BANK1: variants seen among roughly 807,000 people sequenced by gnomAD.
BANK1 encodes B cell scaffold protein with ankyrin repeats 1.
Under a neutral mutation model 94.5 loss-of-function variants are expected in BANK1, and 95 were observed. The ratio of observed to expected loss-of-function variants is 1.00; its 90% CI spans 0.85 to 1.19. The LOEUF (loss-of-function observed/expected upper bound fraction) is 1.19, where lower values mean the gene tolerates loss of function less well. Ranked by LOEUF, BANK1 falls within the 50% of genes most tolerant of loss-of-function variation. BANK1 has a pLI of 0.00. For synonymous variants in BANK1, 334 were observed against 308.4 expected (o/e 1.08, Z -0.87); for missense variants, 987 against 932.2 (o/e 1.06, Z -0.77).
At chr4:101,793,064 C>T (rs1344568833) in intron 1 of BANK1, among the ~76,000 whole-genome samples, 1 of 151,906 alleles carries the variant, frequency 6.6e-6, no homozygotes, top group Non-Finnish European at 1.5e-5. Context: ...TTCTCCACAC[C>T]ATAGTTTTTT....
At chr4:102,021,614 AT>A (rs1726903688) in intron 8 of BANK1, 22 bp downstream of exon 8, 1 of 1,068,780 alleles carries the variant, frequency 9.4e-7, no homozygotes, top group Non-Finnish European at 1.3e-6. Flanking sequence ...CATGTTATAT[AT>A]ATATATGACA....
chr4:101,879,599 G>C (rs958124244), intron 5 of BANK1, among the ~76,000 whole-genome samples: 1 of 151,742 alleles, frequency 6.6e-6, no homozygotes, highest in African/African-American at 2.4e-5. Flanking sequence ...AATTCTACGA[G>C]CCCTGTATTA....
Position 101,918,003 on chromosome 4 carries a change from CA to C in BANK1, c.1023del (p.Glu342AsnfsTer14), listed in dbSNP as rs759338628. On this transcript the variant is annotated frameshift_variant, in exon 7 of 17. Transcript: ENST00000322953. LOFTEE classifies it high-confidence loss of function. The stretch of plus-strand genomic sequence containing the variant: ...TTCTTATGCTTACAGATACTCATTT[CA>C]AAGAACTTCCAACTCTTCTCCACTG... ...ICSQNKYTHFKELPTLLHCAA... is the reference protein window; with the variant it reads ...ICSQNKYTHFXELPTLLHCAA... 4.4e-6 allele frequency: 7 copies of C among 1,603,818 alleles called. No individual in the cohort carries two copies. The African/African-American group carries it at 9.4e-5, about 21-fold the overall frequency.
At chr4:101,928,540 G>A (rs1723237711) in intron 7 of BANK1, among the ~76,000 whole-genome samples, 2 of 151,672 alleles carry the variant, frequency 1.3e-5, no homozygotes, top group African/African-American at 4.8e-5. Context: ...TTCTCCCTTT[G>A]TTAGTGTTTA....
rs1370738798 is a variant in BANK1 at position 101,845,721 on chromosome 4, C to T, written c.470-9314C>T. 4.6e-5 allele frequency among the ~76,000 whole-genome samples: 7 copies of T among 152,196 alleles called. No homozygotes were observed. In the East Asian group the frequency reaches 1.3e-3, roughly 29 times the overall value. On this transcript the variant is annotated intron_variant, in intron 2 of 16. Coordinates refer to ENST00000322953, the MANE Select transcript of BANK1 (RefSeq NM_017935.5). ...AAGAACTGATAAGCATACTGACTTA[C>T]TCATAAATTGTCATTTCTATGTAAA...
At chr4:101,821,687 T>A (rs1726155464) in intron 1 of BANK1, among the ~76,000 whole-genome samples, 1 of 152,154 alleles carries the variant, frequency 6.6e-6, no homozygotes, top group African/African-American at 2.4e-5. Context: ...ATTTTTTGAA[T>A]CGAGGAGGGA....
chr4:101,964,085 A>G (rs1263392349), intron 7 of BANK1, among the ~76,000 whole-genome samples: 3 of 152,098 alleles, frequency 2.0e-5, no homozygotes, highest in African/African-American at 7.2e-5. Context: ...CTTCTGCAGC[A>G]TGTAGTGCTG....
intron 1 of BANK1, among the ~76,000 whole-genome samples, chr4:101,809,793 A>G (rs1261712319): frequency 6.6e-6 from 1 of 152,218 alleles, no homozygotes; most frequent in Admixed American, 6.5e-5. Context: ...TTACTTCAAA[A>G]GGCTTTAGGA....
chr4:101,792,259 C>CCA (rs904242269), intron 1 of BANK1, among the ~76,000 whole-genome samples: 1 of 139,280 alleles, frequency 7.2e-6, no homozygotes, highest in Non-Finnish European at 1.6e-5. Context: ...TTCCGCTCCC[C>CCA]CCCCGCCCCG....
At chr4:102,023,700 G>T (rs1384446797) in intron 8 of BANK1, among the ~76,000 whole-genome samples, 1 of 152,176 alleles carries the variant, frequency 6.6e-6, no homozygotes, top group African/African-American at 2.4e-5. Flanking sequence ...CATATTTGAT[G>T]ACAAGTACCA....
At chr4:102,013,790 G>A (rs1726600081) in intron 7 of BANK1, among the ~76,000 whole-genome samples, 1 of 151,336 alleles carries the variant, frequency 6.6e-6, no homozygotes, top group Non-Finnish European at 1.5e-5. Flanking sequence ...CATTATAATT[G>A]AATATAAATT....
intron 9 of BANK1, 95 bp downstream of exon 9, chr4:102,025,604 A>G: frequency 8.2e-7 from 1 of 1,213,480 alleles, no homozygotes; most frequent in Non-Finnish European, 1.1e-6. Context: ...TATACAGAGC[A>G]GATCAGCTTT....
At chr4:101,979,504 G>T (rs923875157) in intron 7 of BANK1, among the ~76,000 whole-genome samples, 3 of 151,638 alleles carry the variant, frequency 2.0e-5, no homozygotes, top group African/African-American at 7.3e-5. Context: ...ATTTTTTTGA[G>T]AATAAGTTGT....
intron 7 of BANK1, among the ~76,000 whole-genome samples, chr4:101,921,725 A>G (rs1428588855): frequency 6.6e-6 from 1 of 151,878 alleles, no homozygotes; most frequent in African/African-American, 2.4e-5. Context: ...TATCCAGAAA[A>G]TATCTTTTTC....
At chr4:101,872,203 A>G (rs1431702015) in intron 5 of BANK1, among the ~76,000 whole-genome samples, 1 of 152,160 alleles carries the variant, frequency 6.6e-6, no homozygotes, top group Admixed American at 6.6e-5. Flanking sequence ...AATGATGGAC[A>G]GAATTACTCT....
chr4:101,829,756 T>C, intron 1 of BANK1, 52 bp from the exon 2 acceptor site: 1 of 1,237,354 alleles, frequency 8.1e-7, no homozygotes, highest in Non-Finnish European at 1.1e-6. Context: ...AAATAATAAT[T>C]TAACCTGCTG....
chr4:101,884,863 C>T (rs1728792901), intron 5 of BANK1, among the ~76,000 whole-genome samples: 1 of 152,136 alleles, frequency 6.6e-6, no homozygotes, highest in South Asian at 2.1e-4. Context: ...ACACCTCCTA[C>T]TATCTCAAAT....
intron 1 of BANK1, 49 bp downstream of exon 1, chr4:101,790,999 G>C (rs1483796607): frequency 7.1e-7 from 1 of 1,405,598 alleles, no homozygotes; most frequent in Admixed American, 2.7e-5. Context: ...CCGGGCTACG[G>C]GGCTCTGCGG....
chr4:102,013,605 T>G (rs890863996), intron 7 of BANK1, among the ~76,000 whole-genome samples: 1 of 152,036 alleles, frequency 6.6e-6, no homozygotes, highest in African/African-American at 2.4e-5. Context: ...GGTCCACTAT[T>G]GACCCATCAT....
Sources: gnomAD v4.1 joint callset for allele counts (sites outside exome capture counted in the v4.1 genomes callset) on GRCh38, gnomAD v4.1.1 for gene constraint, MANE v1.5 for transcripts, NCBI Gene and HGNC (gene_info 2026-07-23, HGNC 2026-07-21) for gene names.